ALPK1: variants seen among roughly 807,000 people sequenced by gnomAD.
ALPK1 encodes alpha kinase 1.
In ALPK1, 110 loss-of-function variants were observed where a neutral mutation model predicts 120.6. The ratio of observed to expected loss-of-function variants is 0.91; its 90% CI spans 0.78 to 1.07. ALPK1 has a LOEUF of 1.07. Ranked by LOEUF, ALPK1 falls within the 50% of genes least tolerant of loss-of-function variation. ALPK1 has a pLI of 0.00. For missense variants in ALPK1, 1,498 were observed against 1,483.9 expected, an observed-to-expected ratio of 1.01 and a Z score of -0.16; for synonymous variants, 582 against 560.3, an observed-to-expected ratio of 1.04 and a Z score of -0.55.
intron 4 of ALPK1, among the ~76,000 whole-genome samples, chr4:112,400,391 T>C (rs1372630506): frequency 1.3e-5 from 2 of 152,172 alleles, no homozygotes; most frequent in African/African-American, 4.8e-5. Context: ...TCTCTTCTCA[T>C]TGACTCTCTT....
rs73841017 is a variant in ALPK1 at position 112,427,970 on chromosome 4, G to A, written c.795+305G>A. The A allele has an allele frequency of 1.7e-3, 360 of 216,738 alleles. 1 individual carries two copies. Among genetic ancestry groups the A allele is most frequent in the African/African-American group, 7.4e-3 (326 of 44,348 alleles). The allele number at this position is 216,738 out of a possible 1,614,324, so 13.4% of individuals were successfully genotyped here. ...TCCTTTCAAAGTATAACAAAATGCAGTTTCCAAACTTGGGCCATCTTGATG... is the reference window on the plus strand; with the variant it reads ...TCCTTTCAAAGTATAACAAAATGCAATTTCCAAACTTGGGCCATCTTGATG... On this transcript the variant is annotated intron_variant, in intron 9 of 15. Coordinates refer to ENST00000650871, the MANE Select transcript of ALPK1 (RefSeq NM_025144.4).
chr4:112,393,333 C>T (rs978483043), intron 4 of ALPK1, among the ~76,000 whole-genome samples: 1 of 152,096 alleles, frequency 6.6e-6, no homozygotes, highest in Admixed American at 6.6e-5. Context: ...GGCTGGCATT[C>T]CTTCATACTT....
intron 2 of ALPK1, chr4:112,316,250 A>G (rs56745598): frequency 0.085 from 12,915 of 152,204 alleles, 841 homozygotes; most frequent in Admixed American, 0.21. Context: ...TGTGTCTATC[A>G]GTGTGACTAC....
At chr4:112,310,739 A>C (rs558738391) in intron 1 of ALPK1, among the ~76,000 whole-genome samples, 2 of 152,224 alleles carry the variant, frequency 1.3e-5, no homozygotes, top group South Asian at 4.1e-4. Context: ...TGAGGATAAC[A>C]ACGTCCATTT....
chr4:112,324,612 G>C (rs958929819), intron 2 of ALPK1, among the ~76,000 whole-genome samples: 1 of 152,128 alleles, frequency 6.6e-6, no homozygotes, highest in Admixed American at 6.5e-5. Context: ...GAGTAGCTAA[G>C]ACTATAGGTA....
chr4:112,427,688 G>A (rs768855740), intron 9 of ALPK1, 23 bp downstream of exon 9: 6 of 1,531,038 alleles, frequency 3.9e-6, no homozygotes, highest in Non-Finnish European at 5.4e-6. Flanking sequence ...ACACTGAGTG[G>A]CATCACCTGT....
chr4:112,430,666 G>A lies in ALPK1; in HGVS notation c.1119G>A (p.Gly373=), dbSNP rs61747381. The change falls in exon 11 of 16, where the codon GGG becomes GGA. Residue 373 remains glycine, a synonymous_variant. Transcript: ENST00000650871. Reference sequence around the variant, plus strand: ...ACAGAAGGCTCCATGGGGAGACAGGGACGGTCCATGCAGCAAGTCAGCTCT... The same window carrying A: ...ACAGAAGGCTCCATGGGGAGACAGGAACGGTCCATGCAGCAAGTCAGCTCT... ...TVHRRLHGET[G]TVHAASQLCK... 94,848 of 1,614,158 alleles carry A rather than the reference G, an allele frequency of 0.059. 3,597 individuals carry two copies. The highest frequency in any genetic ancestry group is 0.17 in the Admixed American group (9,966 of 60,004).
At chr4:112,311,991 T>G (rs1728427063) in intron 1 of ALPK1, among the ~76,000 whole-genome samples, 1 of 151,960 alleles carries the variant, frequency 6.6e-6, no homozygotes, top group Non-Finnish European at 1.5e-5. Context: ...GTTTTTTTTC[T>G]AAATCATTTC....
Position 112,431,929 on chromosome 4 carries a change from C to T in ALPK1, c.2382C>T (p.Ser794=), listed in dbSNP as rs1193571562. The change falls in exon 11 of 16, where the codon AGC becomes AGT. Residue 794 remains serine (S), a synonymous_variant. Transcript: ENST00000650871. Reference sequence around the variant, plus strand: ...ACCCAGAAGGAGAAACAGCAGAAAGCACTGAAGATGCACCCTTAGACTTTC... The same window carrying T: ...ACCCAGAAGGAGAAACAGCAGAAAGTACTGAAGATGCACCCTTAGACTTTC... The part of the protein sequence containing the change: ...WVDPEGETAE[S]TEDAPLDFHR... 2.5e-6 allele frequency: 4 copies of T among 1,613,952 alleles called. No individual in the cohort carries two copies. The highest frequency in any genetic ancestry group is 3.4e-6 in the Non-Finnish European group (4 of 1,180,058).
intron 3 of ALPK1, among the ~76,000 whole-genome samples, chr4:112,381,781 T>G (rs1039208014): frequency 6.6e-6 from 1 of 152,226 alleles, no homozygotes; most frequent in African/African-American, 2.4e-5. Flanking sequence ...CCAAAGTTTG[T>G]ATAGGAGATT....
At chr4:112,404,003 G>A (rs527455710) in intron 4 of ALPK1, among the ~76,000 whole-genome samples, 298 of 152,340 alleles carry the variant, frequency 2.0e-3, no homozygotes, top group African/African-American at 6.6e-3. Flanking sequence ...AAAGCAATTC[G>A]CACGTGTGTG....
At chr4:112,402,519 C>G (rs1284108918) in intron 4 of ALPK1, among the ~76,000 whole-genome samples, 1 of 152,164 alleles carries the variant, frequency 6.6e-6, no homozygotes, top group Non-Finnish European at 1.5e-5. Context: ...TACCACCTGA[C>G]TCAGCTTCCT....
chr4:112,309,600 A>G lies in ALPK1; in HGVS notation c.-152-6201A>G, dbSNP rs1728305894. On this transcript the variant is annotated intron_variant, in intron 1 of 15. Coordinates refer to ENST00000650871, the MANE Select transcript of ALPK1 (RefSeq NM_025144.4). ...CCATTTGCTCAGTTGGAAATGCAGAAATCACCCGTCTTCTGCATTGCTCAC... is the reference window on the plus strand; with the variant it reads ...CCATTTGCTCAGTTGGAAATGCAGAGATCACCCGTCTTCTGCATTGCTCAC... Among the ~76,000 whole-genome samples, 3 of 151,972 alleles carry G rather than the reference A, an allele frequency of 2.0e-5. No homozygotes were observed. In the South Asian group the frequency reaches 6.2e-4, roughly 32 times the overall value.
chr4:112,402,092 C>T (rs975457050), intron 4 of ALPK1, among the ~76,000 whole-genome samples: 20 of 152,214 alleles, frequency 1.3e-4, no homozygotes, highest in South Asian at 6.2e-4. Flanking sequence ...ACTATGCAGG[C>T]GTCAATCACT....
chr4:112,381,420 C>G (rs1731899115), intron 3 of ALPK1, among the ~76,000 whole-genome samples: 1 of 152,106 alleles, frequency 6.6e-6, no homozygotes, highest in Non-Finnish European at 1.5e-5. Flanking sequence ...AGACAAGTAC[C>G]TAGAGATTTA....
At chr4:112,412,291 T>C (rs1321990968) in intron 5 of ALPK1, 1 of 606,136 alleles carries the variant, frequency 1.6e-6, no homozygotes, top group Admixed American at 2.3e-5. Flanking sequence ...GCTTTTGTCT[T>C]CTAACAAATC....
chr4:112,380,987 A>G lies in ALPK1; in HGVS notation c.122-1411A>G, dbSNP rs532984125. Among the ~76,000 whole-genome samples, 34 of 152,336 alleles carry G rather than the reference A, an allele frequency of 2.2e-4. 1 individual carries two copies. In the South Asian group the frequency reaches 6.8e-3, roughly 31 times the overall value. ...TGGCAATGTTTGCATTGAGTGCTGA[A>G]GCCAGTGGGCCTGAATTTGGTCACA... On this transcript the variant is annotated intron_variant, in intron 3 of 15. Coordinates refer to ENST00000650871, the MANE Select transcript of ALPK1 (RefSeq NM_025144.4).
chr4:112,441,036 A>T lies in ALPK1; in HGVS notation c.3658A>T (p.Asn1220Tyr). 6.2e-7 allele frequency: 1 copy of T among 1,614,040 alleles called. No homozygotes were observed. Among genetic ancestry groups the T allele is most frequent in the Non-Finnish European group, 8.5e-7 (1 of 1,179,928 alleles). Reference protein sequence around the residue: ...GKRGIFYFFNNQHVECNEICH... With the variant: ...GKRGIFYFFNYQHVECNEICH... The stretch of plus-strand genomic sequence containing the variant: ...GAGAGGAATTTTTTACTTCTTTAAT[A>T]ACCAGCATGTGGAATGTAATGAAAT... Residue 1220 changes from asparagine (N) to tyrosine (Y), a missense_variant, in exon 15 of 16, where the codon AAC becomes TAC. Transcript: ENST00000650871.
intron 1 of ALPK1, among the ~76,000 whole-genome samples, chr4:112,305,340 C>T (rs1727992764): frequency 6.6e-6 from 1 of 151,852 alleles, no homozygotes; most frequent in South Asian, 2.1e-4. Context: ...TTACCTTGGG[C>T]AGTATGGCCA....
Sources: gnomAD v4.1 joint callset for allele counts (sites outside exome capture counted in the v4.1 genomes callset) on GRCh38, gnomAD v4.1.1 for gene constraint, MANE v1.5 for transcripts, NCBI Gene and HGNC (gene_info 2026-07-23, HGNC 2026-07-21) for gene names.